Variants in FPR3 observed in about 807,000 individuals in gnomAD.
FPR3 encodes formyl peptide receptor 3.
For synonymous variants in FPR3, 135 were observed against 163.6 expected (o/e 0.83, Z 1.34); for missense variants, 346 against 443.2 (o/e 0.78, Z 1.97).
At chr19:51,804,344 A>G (rs2084044090) in intron 1 of FPR3, among the ~76,000 whole-genome samples, 1 of 152,208 alleles carries the variant, frequency 6.6e-6, no homozygotes, top group African/African-American at 2.4e-5. Context: ...TTACTGATTT[A>G]TGAACAAACT....
chr19:51,800,250 G>T (rs73058881), intron 1 of FPR3, among the ~76,000 whole-genome samples: 21,925 of 152,212 alleles, frequency 0.14, 1,946 homozygotes, highest in Middle Eastern at 0.26. Flanking sequence ...CCCCTCAGAG[G>T]TCGATCGGGT....
At position 51,824,152 on chromosome 19, in the gene FPR3, A is replaced by G. The variant is rs1238629595; in HGVS notation, c.404A>G (p.Asn135Ser). 1 of 1,614,030 alleles carries G rather than the reference A, an allele frequency of 6.2e-7. No individual in the cohort carries two copies. The highest frequency in any genetic ancestry group is 1.3e-5 in the African/African-American group (1 of 75,036). The stretch of plus-strand genomic sequence containing the variant: ...GTCCTGCATCCAGCCTGGGCCCAGA[A>G]CCATCGCACCATGAGTCTGGCCAAG... Reference protein sequence around the residue: ...ICVLHPAWAQNHRTMSLAKRV... With the variant: ...ICVLHPAWAQSHRTMSLAKRV... Residue 135 changes from asparagine to serine, a missense_variant, in exon 2 of 2, where the codon AAC (asparagine) becomes AGC (serine). Asn to Ser is a conservative substitution (Grantham distance 46). Transcript: ENST00000339223. This position sits in a 1 kb window ranked among gnomAD's most constrained non-coding sequence, Gnocchi z 4.7.
chr19:51,806,780 C>G (rs963624757), intron 1 of FPR3, among the ~76,000 whole-genome samples: 3 of 152,202 alleles, frequency 2.0e-5, no homozygotes, highest in African/African-American at 7.2e-5. Flanking sequence ...TTGGCATGTA[C>G]CATGCAGCAT....
chr19:51,820,746 G>T (rs919424728), intron 1 of FPR3, among the ~76,000 whole-genome samples: 1 of 152,108 alleles, frequency 6.6e-6, no homozygotes, highest in Non-Finnish European at 1.5e-5. Flanking sequence ...CTCCAACTCT[G>T]GTTCTACCCC....
rs1361472024 is a variant in FPR3, at chr19:51,795,501, A to ATTTTTTTTTTTTTTTTTTTTTTTTTTTTT, written c.-11+172_-11+173insTTTTTTTTTTTTTTTTTTTTTTTTTTTTT. On this transcript the variant is annotated intron_variant, in intron 1 of 1. Transcript: ENST00000339223. The stretch of plus-strand genomic sequence containing the variant: ...TAATTTGGTTACATGTTCCAGTAAC[A>ATTTTTTTTTTTTTTTTTTTTTTTTTTTTT]TTCTTTTTTTTTTTTTTTTTTTTTT... 5.2e-5 allele frequency among the ~76,000 whole-genome samples: 4 copies of ATTTTTTTTTTTTTTTTTTTTTTTTTTTTT among 77,076 alleles called. 1 individual carries two copies. Among genetic ancestry groups the ATTTTTTTTTTTTTTTTTTTTTTTTTTTTT allele is most frequent in the Non-Finnish European group, 9.2e-5 (4 of 43,272 alleles). 50.6% of individuals were successfully genotyped at this position (77,076 alleles called of 152,430 possible).
intron 1 of FPR3, among the ~76,000 whole-genome samples, chr19:51,801,028 T>C (rs998803488): frequency 6.6e-6 from 1 of 152,006 alleles, no homozygotes; most frequent in African/African-American, 2.4e-5. Context: ...TTTACTCTTA[T>C]CAACTAGGAC....
At chr19:51,797,589 T>C (rs1329793328) in intron 1 of FPR3, among the ~76,000 whole-genome samples, 1 of 152,200 alleles carries the variant, frequency 6.6e-6, no homozygotes, top group Non-Finnish European at 1.5e-5. Context: ...CATTAATCAA[T>C]ATTCACCGTG....
In FPR3 at chr19:51,825,027, C is replaced by T. The variant is rs1205358700; in HGVS notation, c.*217C>T. ...AAATTCCAACACTATCTACCTGGAG[C>T]TACTGTCAGATCCCACAGGTTTAAG... On this transcript the variant is annotated 3_prime_UTR_variant, in exon 2 of 2. Coordinates refer to ENST00000339223, the MANE Select transcript of FPR3 (RefSeq NM_002030.5). 2 of 528,110 alleles carry T rather than the reference C, an allele frequency of 3.8e-6. No homozygotes were observed. The highest frequency in any genetic ancestry group is 3.8e-5 in the African/African-American group (2 of 52,060). 32.7% of individuals were successfully genotyped at this position (528,110 alleles called of 1,614,324 possible).
chr19:51,795,501 A>ATTTTTTTTTTTTTTTTTTTTTTTTTTTT (rs1361472024), intron 1 of FPR3, among the ~76,000 whole-genome samples, 170 bp downstream of exon 1: 1 of 77,074 alleles, frequency 1.3e-5, no homozygotes, highest in African/African-American at 6.0e-5. Flanking sequence ...TTCCAGTAAC[A>ATTTTTTTTTTTTTTTTTTTTTTTTTTTT]TTCTTTTTTT....
Position 51,824,989 on chromosome 19 carries a change from G to T in FPR3, c.*179G>T. 1.7e-6 allele frequency: 1 copy of T among 595,282 alleles called. No individual in the cohort carries two copies. Among genetic ancestry groups the T allele is most frequent in the South Asian group, 2.2e-5 (1 of 44,568 alleles). 36.9% of individuals were successfully genotyped at this position (595,282 alleles called of 1,614,324 possible). Reference sequence around the variant, plus strand: ...CAACCAAGCAATAGACACCAGCTGGGTGTCCTACAATTAAATTCCAACACT... The same window carrying T: ...CAACCAAGCAATAGACACCAGCTGGTTGTCCTACAATTAAATTCCAACACT... On this transcript the variant is annotated 3_prime_UTR_variant, in exon 2 of 2. Coordinates refer to ENST00000339223, the MANE Select transcript of FPR3 (RefSeq NM_002030.5). This position sits in a 1 kb window ranked among gnomAD's most constrained non-coding sequence, Gnocchi z 4.7.
At chr19:51,807,654 A>C (rs1003833503) in intron 1 of FPR3, among the ~76,000 whole-genome samples, 2 of 152,234 alleles carry the variant, frequency 1.3e-5, no homozygotes, top group Non-Finnish European at 1.5e-5. Flanking sequence ...GTCCACCTGG[A>C]ATAGGTTTGT....
chr19:51,795,478 A>G (rs535256247), intron 1 of FPR3, 147 bp downstream of exon 1: 13 of 129,892 alleles, frequency 1.0e-4, no homozygotes, highest in Admixed American at 1.6e-4. Context: ...ACAGTGTTTA[A>G]TTTGGTTACA....
intron 1 of FPR3, among the ~76,000 whole-genome samples, chr19:51,802,453 T>C (rs1279932318): frequency 6.6e-6 from 1 of 152,076 alleles, no homozygotes. Flanking sequence ...CAAGGATGAG[T>C]GGATGAAGTT....
At chr19:51,795,969 T>C (rs1326344356) in intron 1 of FPR3, among the ~76,000 whole-genome samples, 13 of 152,238 alleles carry the variant, frequency 8.5e-5, no homozygotes, top group Admixed American at 7.9e-4. Flanking sequence ...TGTAGCATTG[T>C]AGAGATGTAG....
At chr19:51,808,291 A>G (rs1224517533) in intron 1 of FPR3, among the ~76,000 whole-genome samples, 1 of 152,206 alleles carries the variant, frequency 6.6e-6, no homozygotes, top group Non-Finnish European at 1.5e-5. Flanking sequence ...TTCTGAGTCC[A>G]TACACTTCTC....
rs761167915 is a variant in FPR3 at position 51,824,460 on chromosome 19, C to T, written c.712C>T (p.Arg238Cys). The change falls in exon 2 of 2, where the codon CGT becomes TGT. Residue 238 changes from arginine (R) to cysteine (C), a missense_variant. Physicochemically the swap from Arg to Cys is radical, Grantham distance 180. Coordinates refer to ENST00000339223, the MANE Select transcript of FPR3 (RefSeq NM_002030.5). This position sits in a 1 kb window ranked among gnomAD's most constrained non-coding sequence, Gnocchi z 4.7. ...CAGAAACCACATGATTAAATCCAGC[C>T]GTCCCTTACGTGTCTTCGCTGCTGT... ...IHRNHMIKSS[R>C]PLRVFAAVVA... is the part of the protein sequence containing the mutation. The T allele has an allele frequency of 3.2e-5, 51 of 1,613,920 alleles. No homozygotes were observed. The East Asian group carries it at 8.0e-4, about 25-fold the overall frequency.
At chr19:51,798,865 G>A (rs527329164) in intron 1 of FPR3, among the ~76,000 whole-genome samples, 14 of 152,296 alleles carry the variant, frequency 9.2e-5, no homozygotes, top group Admixed American at 7.2e-4. Context: ...TTGGCTGGGC[G>A]TGGTGGCTCA....
intron 1 of FPR3, among the ~76,000 whole-genome samples, chr19:51,815,890 AAGAAG>A (rs139767621): frequency 7.0e-6 from 1 of 143,108 alleles, no homozygotes; most frequent in Non-Finnish European, 1.5e-5. Flanking sequence ...AAAAAAGAAA[AAGAAG>A]AAGAAAAAGA....
intron 1 of FPR3, among the ~76,000 whole-genome samples, chr19:51,813,975 C>T (rs1039139652): frequency 2.0e-5 from 3 of 152,088 alleles, no homozygotes; most frequent in Non-Finnish European, 4.4e-5. Context: ...TTTCAAGAAG[C>T]CCCTGGAAGA....
Sources: allele counts gnomAD v4.1 joint callset (sites outside exome capture counted in the v4.1 genomes callset), GRCh38; gene constraint gnomAD v4.1.1; non-coding constraint Gnocchi (gnomAD v3.1); transcripts MANE v1.5; gene names NCBI Gene and HGNC (gene_info 2026-07-23, HGNC 2026-07-21).